The following CCDC9 variants were observed in gnomAD, a reference collection of about 807,000 sequenced individuals.
CCDC9 encodes the protein coiled-coil domain-containing protein 9.
Under a neutral mutation model 65.6 loss-of-function variants are expected in CCDC9, and 52 were observed. The observed-to-expected ratio is 0.79, with a 90% confidence interval of 0.63 to 1.00. The LOEUF (loss-of-function observed/expected upper bound fraction) is 1.00, where lower values mean the gene tolerates loss of function less well. Among genes scored for constraint, CCDC9 ranks in the 50% least tolerant of loss-of-function variants. The pLI, the probability that CCDC9 is intolerant of heterozygous loss-of-function variation, is 0.00. For missense variants in CCDC9, 834 were observed against 757.2 expected, an observed-to-expected ratio of 1.10 and a Z score of -1.19; for synonymous variants, 332 against 280.3, an observed-to-expected ratio of 1.18 and a Z score of -1.84.
chr19:47,275,223 G>A (rs1333980444), downstream of CCDC9: 3 of 1,528,806 alleles, frequency 2.0e-6, no homozygotes, highest in Non-Finnish European at 2.6e-6. Context: ...AGTCCCCGGC[G>A]GGCCGCGACC....
At chr19:47,261,018 C>A (rs1472190891) in intron 5 of CCDC9, among the ~76,000 whole-genome samples, 179 bp downstream of exon 5, 3 of 151,992 alleles carry the variant, frequency 2.0e-5, no homozygotes, top group Non-Finnish European at 4.4e-5. Context: ...CCTGCTCCCC[C>A]TCTTCTAGTT....
downstream of CCDC9, chr19:47,274,959 C>T (rs1315480957): frequency 7.2e-7 from 1 of 1,394,526 alleles, no homozygotes; most frequent in Admixed American, 3.4e-5. Context: ...CGCCGAGAGC[C>T]CCGGAGGCGC....
rs747434705 is a variant in CCDC9 at position 47,271,107 on chromosome 19, AAAG to A, written c.1115_1117del (p.Glu372del). 2.9e-5 allele frequency: 46 copies of A among 1,562,986 alleles called. No individual in the cohort carries two copies. Among genetic ancestry groups the A allele is most frequent in the Non-Finnish European group, 3.9e-5 (45 of 1,155,596 alleles). ...TGACCATGATGACCGCTGGGAGACA[AAAG>A]AAGGGGCAGCATCCCCAGCCCCTGA... On this transcript the variant is annotated inframe_deletion, in exon 11 of 12. Coordinates refer to ENST00000221922, the MANE Select transcript of CCDC9 (RefSeq NM_015603.3).
Position 47,271,830 on chromosome 19 carries a change from C to T in CCDC9, c.*152C>T. ...GACCCAGTGTGCCCCACAGCCCTGT[C>T]AGCTGAGGGGGTAGCGCAGCCCATG... is the stretch of plus-strand genomic sequence containing the variant. On this transcript the variant is annotated 3_prime_UTR_variant, in exon 12 of 12. Coordinates refer to ENST00000221922, the MANE Select transcript of CCDC9 (RefSeq NM_015603.3). The T allele has an allele frequency of 7.0e-7, 1 of 1,424,914 alleles. No homozygotes were observed. Among genetic ancestry groups the T allele is most frequent in the Non-Finnish European group, 9.1e-7 (1 of 1,093,770 alleles). 88.3% of individuals were successfully genotyped at this position (1,424,914 alleles called of 1,614,324 possible). A position where few individuals can be genotyped will look rare whatever the true frequency, so the allele number is the denominator to read the frequency against.
Position 47,263,714 on chromosome 19 carries a change from C to T in CCDC9, c.463-889C>T, listed in dbSNP as rs1004619748. ...CCAAGTAGCTGGGATTACAGGTGCCCACCACCATGCCCGGCTAACTTTTGT... is the reference window on the plus strand; with the variant it reads ...CCAAGTAGCTGGGATTACAGGTGCCTACCACCATGCCCGGCTAACTTTTGT... On this transcript the variant is annotated intron_variant, in intron 5 of 11. Transcript: ENST00000221922. Among the ~76,000 whole-genome samples, 4 of 151,886 alleles carry T rather than the reference C, an allele frequency of 2.6e-5. No homozygotes were observed. In the East Asian group the frequency reaches 5.8e-4, roughly 22 times the overall value.
At position 47,271,910 on chromosome 19, in the gene CCDC9, A is replaced by T. The variant is rs896900635; in HGVS notation, c.*232A>T. On this transcript the variant is annotated 3_prime_UTR_variant, in exon 12 of 12. Transcript: ENST00000221922. ...AATGTCCACTCCCAGAGCCTGCCCC[A>T]GCCCTTCGAGCCCCCTCCCCAATAA... The T allele has an allele frequency of 7.7e-7, 1 of 1,306,458 alleles. No homozygotes were observed. Among genetic ancestry groups the T allele is most frequent in the African/African-American group, 1.5e-5 (1 of 66,968 alleles). 80.9% of individuals were successfully genotyped at this position (1,306,458 alleles called of 1,614,324 possible). A position where few individuals can be genotyped will look rare whatever the true frequency, so the allele number is the denominator to read the frequency against.
intron 8 of CCDC9, among the ~76,000 whole-genome samples, chr19:47,267,438 A>G (rs954267122): frequency 1.3e-5 from 2 of 151,980 alleles, no homozygotes; most frequent in South Asian, 4.2e-4. Context: ...TTCTGTGTTC[A>G]TGGGTATGCT....
rs1365507101 is a variant in CCDC9, at chr19:47,271,278, C to T, written c.1196C>T (p.Pro399Leu). The change falls in exon 12 of 12, where the codon CCC becomes CTC. Residue 399 changes from proline (P) to leucine (L), a missense_variant. Pro to Leu is a moderately conservative substitution (Grantham distance 98). Transcript: ENST00000221922. Reference sequence around the variant, plus strand: ...GACTTGCCTGTGTCCCCAAAGCCACCCGAGATCCCAGCTCCTGCCCACCGG... The same window carrying T: ...GACTTGCCTGTGTCCCCAAAGCCACTCGAGATCCCAGCTCCTGCCCACCGG... Reference protein sequence around the residue: ...TSPKETPMQPPEIPAPAHRPP... With the variant: ...TSPKETPMQPLEIPAPAHRPP... 2.5e-6 allele frequency: 4 copies of T among 1,612,388 alleles called. No homozygotes were observed. The highest frequency in any genetic ancestry group is 2.5e-6 in the Non-Finnish European group (3 of 1,179,174).
intron 7 of CCDC9, among the ~76,000 whole-genome samples, chr19:47,265,984 C>CTTTTTTT: frequency 1.4e-5 from 1 of 72,630 alleles, no homozygotes; most frequent in Non-Finnish European, 2.3e-5. Context: ...CCGCTCCTGG[C>CTTTTTTT]TTTTTTTTTT....
intron 8 of CCDC9, 50 bp from the exon 9 acceptor site, chr19:47,270,357 T>C: frequency 1.3e-6 from 2 of 1,588,072 alleles, no homozygotes; most frequent in Non-Finnish European, 1.7e-6. Context: ...CTTGATCCTC[T>C]TGTTACCCTG....
rs370298634 is a variant in CCDC9 at position 47,260,610 on chromosome 19, G to A, written c.233G>A (p.Arg78Gln). 26 of 1,527,336 alleles carry A rather than the reference G, an allele frequency of 1.7e-5. No individual in the cohort carries two copies. The highest frequency in any genetic ancestry group is 1.4e-4 in the South Asian group (11 of 77,738). 94.6% of individuals were successfully genotyped at this position (1,527,336 alleles called of 1,614,324 possible). Residue 78 changes from arginine to glutamine, a missense_variant, in exon 5 of 12, where the codon CGG (arginine) becomes CAG (glutamine). Coordinates refer to ENST00000221922, the MANE Select transcript of CCDC9 (RefSeq NM_015603.3). ...CAGGAGAAGAACCTGGGTCCTTCCCGGAGGTCTCCTGGGACCCCTCGGCCC... is the reference window on the plus strand; with the variant it reads ...CAGGAGAAGAACCTGGGTCCTTCCCAGAGGTCTCCTGGGACCCCTCGGCCC... ...VESEKNLGPS[R>Q]RSPGTPRPPG...
Position 47,271,087 on chromosome 19 carries a change from A to G in CCDC9, c.1091A>G (p.His364Arg), listed in dbSNP as rs201060277. 6.1e-5 allele frequency: 95 copies of G among 1,551,024 alleles called. No homozygotes were observed. The East Asian group carries it at 1.1e-3, about 17-fold the overall frequency. The change falls in exon 11 of 12, where the codon CAT becomes CGT. Residue 364 changes from histidine (H) to arginine (R), a missense_variant. His to Arg is a conservative substitution (Grantham distance 29). Transcript: ENST00000221922. ...CCTCCCTCTGTTCCCTCTAGTGACC[A>G]TGATGACCGCTGGGAGACAAAAGAA... is the stretch of plus-strand genomic sequence containing the variant. Reference protein sequence around the residue: ...AKAAPRAYSDHDDRWETKEGA... With the variant: ...AKAAPRAYSDRDDRWETKEGA...
chr19:47,262,163 G>A (rs886956221), intron 5 of CCDC9, among the ~76,000 whole-genome samples: 1 of 151,652 alleles, frequency 6.6e-6, no homozygotes, highest in African/African-American at 2.4e-5. Flanking sequence ...GGTGGTCCAG[G>A]GGGTGAGGCC....
rs768159540 is a variant in CCDC9, at chr19:47,271,716, TGTGTGTGTGTGTGTGTGCGCGCGC to T, written c.*40_*63del. 1.0e-4 allele frequency: 140 copies of T among 1,386,458 alleles called. No homozygotes were observed. In the African/African-American group the frequency reaches 1.8e-3, roughly 18 times the overall value. 85.9% of individuals were successfully genotyped at this position (1,386,458 alleles called of 1,614,324 possible). On this transcript the variant is annotated 3_prime_UTR_variant, in exon 12 of 12. Transcript: ENST00000221922. ...GTGTGTGTGTGTGTGTGTGTGTGTG[TGTGTGTGTGTGTGTGTGCGCGCGC>T]GCGCGCGCGCGCGCGCGCGCTAGAG...
rs2059060029 is a variant in CCDC9 at position 47,263,620 on chromosome 19, C to CA, written c.463-982dup. Among the ~76,000 whole-genome samples, 3 of 152,238 alleles carry CA rather than the reference C, an allele frequency of 2.0e-5. No homozygotes were observed. The South Asian group carries it at 6.2e-4, about 32-fold the overall frequency. On this transcript the variant is annotated intron_variant, in intron 5 of 11. Coordinates refer to ENST00000221922, the MANE Select transcript of CCDC9 (RefSeq NM_015603.3). ...CACTCTTGTTGCCCAGGCTGGAGTG[C>CA]AGTGGTATGATTTCGGCTCACTGCA...
rs2059121319 is a variant in CCDC9 at position 47,271,716 on chromosome 19, TGTGTGTGTGTGTGTGTGC to T, written c.*40_*57del. 2 of 1,386,468 alleles carry T rather than the reference TGTGTGTGTGTGTGTGTGC, an allele frequency of 1.4e-6. No individual in the cohort carries two copies. Among genetic ancestry groups the T allele is most frequent in the Non-Finnish European group, 1.9e-6 (2 of 1,066,770 alleles). 85.9% of individuals were successfully genotyped at this position (1,386,468 alleles called of 1,614,324 possible). On this transcript the variant is annotated 3_prime_UTR_variant, in exon 12 of 12. Coordinates refer to ENST00000221922, the MANE Select transcript of CCDC9 (RefSeq NM_015603.3). Reference sequence around the variant, plus strand: ...GTGTGTGTGTGTGTGTGTGTGTGTGTGTGTGTGTGTGTGTGTGCGCGCGCGCGCGCGCGCGCGCGCGCG... The same window carrying T: ...GTGTGTGTGTGTGTGTGTGTGTGTGTGCGCGCGCGCGCGCGCGCGCGCGCG...
rs145068595 is a variant in CCDC9, at chr19:47,261,026, G to C, written c.462+187G>C. ...TCCTCCTCCTGCTCCCCCTCTTCTA[G>C]TTCCCCCTGTTCCTTCCCTCTCACG... On this transcript the variant is annotated intron_variant, in intron 5 of 11. Coordinates refer to ENST00000221922, the MANE Select transcript of CCDC9 (RefSeq NM_015603.3). Among the ~76,000 whole-genome samples the C allele has an allele frequency of 1.2e-4, 18 of 150,416 alleles. No individual in the cohort carries two copies. In the East Asian group the frequency reaches 3.5e-3, roughly 29 times the overall value.
rs1568643076 is a variant in CCDC9 at position 47,271,743 on chromosome 19, G to GTA, written c.*65_*66insTA. ...TGTGTGTGTGTGTGTGCGCGCGCGC[G>GTA]CGCGCGCGCGCGCGCGCTAGAGGGG... On this transcript the variant is annotated 3_prime_UTR_variant, in exon 12 of 12. Transcript: ENST00000221922. The GTA allele has an allele frequency of 4.9e-5, 19 of 390,044 alleles. No individual in the cohort carries two copies. Among genetic ancestry groups the GTA allele is most frequent in the Non-Finnish European group, 5.5e-5 (18 of 325,664 alleles). 24.2% of individuals were successfully genotyped at this position (390,044 alleles called of 1,614,324 possible).
At chr19:47,259,372 A>C (rs1301487998) in intron 3 of CCDC9, among the ~76,000 whole-genome samples, 1 of 152,088 alleles carries the variant, frequency 6.6e-6, no homozygotes, top group Non-Finnish European at 1.5e-5. Flanking sequence ...CTCTTTAGGA[A>C]GACGCCTCTG....
Sources: gnomAD v4.1 joint callset for allele counts (sites outside exome capture counted in the v4.1 genomes callset) on GRCh38, gnomAD v4.1.1 for gene constraint, MANE v1.5 for transcripts, NCBI Gene and HGNC (gene_info 2026-07-23, HGNC 2026-07-21) for gene names.